CRB1: variants seen among roughly 807,000 people sequenced by gnomAD.
CRB1 encodes protein crumbs homolog 1.
A neutral mutation model predicts 120.0 loss-of-function variants in CRB1; 83 were observed. The ratio of observed to expected loss-of-function variants is 0.69; its 90% CI spans 0.58 to 0.83. The LOEUF (loss-of-function observed/expected upper bound fraction) is 0.83. Among genes scored for constraint, CRB1 ranks in the 40% least tolerant of loss-of-function variants. The pLI, the probability that CRB1 is intolerant of heterozygous loss-of-function variation, is 0.00. For missense variants in CRB1, 1,699 were observed against 1,687.6 expected (o/e 1.01, Z -0.12); for synonymous variants, 625 against 612.5 (o/e 1.02, Z -0.30).
At chr1:197,281,571 A>G (rs1655523907) in intron 1 of CRB1, among the ~76,000 whole-genome samples, 1 of 151,812 alleles carries the variant, frequency 6.6e-6, no homozygotes. Flanking sequence ...GGCCAGAATG[A>G]GAAGGGAATA....
intron 10 of CRB1, chr1:197,439,179 AC>A (rs1253846332): frequency 1.2e-5 from 2 of 164,224 alleles, no homozygotes; most frequent in African/African-American, 4.8e-5. Context: ...GCAATCTGTG[AC>A]CTGCTGAAAA....
At chr1:197,388,347 C>A (rs913976460) in intron 5 of CRB1, among the ~76,000 whole-genome samples, 3 of 151,936 alleles carry the variant, frequency 2.0e-5, no homozygotes, top group Admixed American at 2.0e-4. Context: ...TAAACAATGT[C>A]ATCATTATAT....
chr1:197,322,863 G>A (rs935268495), intron 1 of CRB1, among the ~76,000 whole-genome samples: 1 of 151,964 alleles, frequency 6.6e-6, no homozygotes, highest in Non-Finnish European at 1.5e-5. Context: ...TTTTCATTTG[G>A]ATTTTTTTCA....
Position 197,395,301 on chromosome 1 carries a change from T to C in CRB1, c.1172-25699T>C, listed in dbSNP as rs113507312. 2.3e-4 allele frequency among the ~76,000 whole-genome samples: 35 copies of C among 152,288 alleles called. No homozygotes were observed. The South Asian group carries it at 6.8e-3, about 30-fold the overall frequency. ...AACTTTCTACAAGTTTCTTCTGACC[T>C]CCAAGTAATGTACATAATATCTGAA... is the stretch of plus-strand genomic sequence containing the variant. On this transcript the variant is annotated intron_variant, in intron 5 of 11. Coordinates refer to ENST00000367400, the MANE Select transcript of CRB1 (RefSeq NM_201253.3).
At chr1:197,475,975 T>C (rs1667178996) in intron 11 of CRB1, among the ~76,000 whole-genome samples, 1 of 152,178 alleles carries the variant, frequency 6.6e-6, no homozygotes, top group Admixed American at 6.5e-5. Context: ...AGTAGCCTGA[T>C]CTCAGCTTAC....
intron 1 of CRB1, among the ~76,000 whole-genome samples, chr1:197,321,545 AATC>A (rs1364910282): frequency 3.9e-5 from 6 of 152,184 alleles, no homozygotes. Context: ...CAAAGCAAAC[AATC>A]ATCATATATT....
At chr1:197,424,594 C>T (rs1382777741) in intron 6 of CRB1, among the ~76,000 whole-genome samples, 1 of 152,086 alleles carries the variant, frequency 6.6e-6, no homozygotes, top group Admixed American at 6.6e-5. Flanking sequence ...GGGCCATAAC[C>T]TCCCTTATTC....
At position 197,429,427 on chromosome 1, in the gene CRB1, C is replaced by T. The variant is rs752210561; in HGVS notation, c.2677-22C>T. 1.9e-6 allele frequency: 3 copies of T among 1,613,512 alleles called. No homozygotes were observed. The African/African-American group carries it at 4.0e-5, about 22-fold the overall frequency. ...ATTTAGTTGCCAGTGCTTTTTATAC[C>T]TTTGATTTCTTTTCTGCTCAGTCCA... On this transcript the variant is annotated intron_variant, in intron 7 of 11. Coordinates refer to ENST00000367400, the MANE Select transcript of CRB1 (RefSeq NM_201253.3).
intron 1 of CRB1, among the ~76,000 whole-genome samples, chr1:197,280,466 C>T (rs529949147): frequency 6.6e-6 from 1 of 151,932 alleles, no homozygotes; most frequent in East Asian, 1.9e-4. Flanking sequence ...TATCAACATA[C>T]TGTATGCCCT....
intron 5 of CRB1, chr1:197,363,916 G>A: frequency 1.6e-6 from 2 of 1,245,438 alleles, no homozygotes; most frequent in Non-Finnish European, 2.4e-6. Context: ...CACTACGGAT[G>A]GGCTCACTGA....
chr1:197,215,667 T>G, the CRB1 span, among the ~76,000 whole-genome samples: 3 of 152,196 alleles, frequency 2.0e-5, no homozygotes, highest in African/African-American at 7.2e-5. Context: ...TATAAGGGAC[T>G]TTTCCCCCTT....
At chr1:197,344,164 T>C (rs1433944001) in intron 2 of CRB1, 117 bp from the exon 3 acceptor site, 10 of 1,035,720 alleles carry the variant, frequency 9.7e-6, no homozygotes, top group African/African-American at 7.9e-5. Context: ...GGGAAAGTTA[T>C]TTTGGGTAAC....
At chr1:197,279,781 C>G (rs1324956776) in intron 1 of CRB1, among the ~76,000 whole-genome samples, 2 of 151,466 alleles carry the variant, frequency 1.3e-5, no homozygotes, top group African/African-American at 2.4e-5. Flanking sequence ...CCCACTACCC[C>G]CTACCCTTTT....
At chr1:197,429,982 T>C (rs1376565365) in intron 8 of CRB1, among the ~76,000 whole-genome samples, 1 of 152,218 alleles carries the variant, frequency 6.6e-6, no homozygotes, top group Non-Finnish European at 1.5e-5. Context: ...GCAATTCATG[T>C]GATCTCCATC....
intron 6 of CRB1, among the ~76,000 whole-genome samples, chr1:197,426,036 A>G (rs1664564419): frequency 1.3e-5 from 2 of 151,498 alleles, no homozygotes; most frequent in Admixed American, 6.6e-5. Flanking sequence ...TTGGATATCC[A>G]AAAAGGCATC....
chr1:197,279,738 T>C (rs1450051105), intron 1 of CRB1, among the ~76,000 whole-genome samples: 1 of 151,750 alleles, frequency 6.6e-6, no homozygotes, highest in Admixed American at 6.6e-5. Flanking sequence ...ATTGTGTCCA[T>C]GTAGAGGGAC....
At chr1:197,214,953 A>C in the CRB1 span, among the ~76,000 whole-genome samples, 20 of 152,330 alleles carry the variant, frequency 1.3e-4, no homozygotes, top group South Asian at 3.7e-3. Context: ...AAGACTGGCA[A>C]ATTGAATTCA....
chr1:197,458,372 A>G (rs1571607837), intron 11 of CRB1, among the ~76,000 whole-genome samples: 1 of 152,114 alleles, frequency 6.6e-6, no homozygotes, highest in East Asian at 1.9e-4. Context: ...TTTTTTTACA[A>G]ATCTAGTTGT....
At chr1:197,378,139 A>T (rs1661744589) in intron 5 of CRB1, among the ~76,000 whole-genome samples, 1 of 152,182 alleles carries the variant, frequency 6.6e-6, no homozygotes, top group Admixed American at 6.5e-5. Context: ...ATAGTGTTTT[A>T]AAAAAGAGGA....
Sources: gnomAD v4.1 joint callset for allele counts (sites outside exome capture counted in the v4.1 genomes callset) on GRCh38, gnomAD v4.1.1 for gene constraint, MANE v1.5 for transcripts, NCBI Gene and HGNC (gene_info 2026-07-23, HGNC 2026-07-21) for gene names.